SLC27A4: variants seen among roughly 807,000 people sequenced by gnomAD.
The protein encoded by SLC27A4 is long-chain fatty acid transport protein 4.
SLC27A4 carries 33 observed loss-of-function variants against 64.4 expected under a neutral mutation model. The ratio of observed to expected loss-of-function variants is 0.51; its 90% CI spans 0.39 to 0.68. SLC27A4 has a LOEUF of 0.68. Among genes scored for constraint, SLC27A4 ranks in the 30% least tolerant of loss-of-function variants. SLC27A4 has a pLI of 0.00. For synonymous variants in SLC27A4, 377 were observed against 370.0 expected, an observed-to-expected ratio of 1.02 and a Z score of -0.22; for missense variants, 824 against 883.5, an observed-to-expected ratio of 0.93 and a Z score of 0.85.
intron 3 of SLC27A4, among the ~76,000 whole-genome samples, chr9:128,346,485 C>T (rs1053969817): frequency 6.6e-5 from 10 of 151,838 alleles, no homozygotes; most frequent in African/African-American, 1.5e-4. Flanking sequence ...CCACCCGCCT[C>T]GGCCTCCCAA....
At chr9:128,342,801 CAG>C (rs1177543646) in intron 1 of SLC27A4, 1 of 466,672 alleles carries the variant, frequency 2.1e-6, no homozygotes, top group Non-Finnish European at 4.0e-6. Flanking sequence ...ACCCATTGCA[CAG>C]AGGGCAGATA....
rs1488596828 is a variant in SLC27A4, at chr9:128,350,386, G to A, written c.785+5G>A. 6.2e-7 allele frequency: 1 copy of A among 1,613,602 alleles called. No individual in the cohort carries two copies. On this transcript the variant is annotated splice_donor_5th_base_variant and intron_variant, in intron 5 of 12. Coordinates refer to ENST00000300456, the MANE Select transcript of SLC27A4 (RefSeq NM_005094.4). ...CGCCATCGTGGTGCACAGCAGGTAAGGGGCAGGTGCCCAGGGTGGGGTAGG... is the reference window on the plus strand; with the variant it reads ...CGCCATCGTGGTGCACAGCAGGTAAAGGGCAGGTGCCCAGGGTGGGGTAGG...
Position 128,345,130 on chromosome 9 carries a change from A to T in SLC27A4, c.162-25A>T, listed in dbSNP as rs775363382. The T allele has an allele frequency of 3.7e-6, 6 of 1,613,002 alleles. No individual in the cohort carries two copies. Among genetic ancestry groups the T allele is most frequent in the Non-Finnish European group, 5.1e-6 (6 of 1,179,988 alleles). Reference sequence around the variant, plus strand: ...CCTCCCTCCCAACCATGGCAGACACAGCGCCCTCTCTTGTTCACACACAGT... The same window carrying T: ...CCTCCCTCCCAACCATGGCAGACACTGCGCCCTCTCTTGTTCACACACAGT... On this transcript the variant is annotated intron_variant, in intron 2 of 12. Coordinates refer to ENST00000300456, the MANE Select transcript of SLC27A4 (RefSeq NM_005094.4). The surrounding 1 kb of genome is among the most constrained non-coding windows in gnomAD (Gnocchi z 4.1).
chr9:128,340,605 C>T lies in SLC27A4; in HGVS notation c.-240C>T, dbSNP rs1207165136. On this transcript the variant is annotated 5_prime_UTR_variant, in exon 1 of 13. Coordinates refer to ENST00000300456, the MANE Select transcript of SLC27A4 (RefSeq NM_005094.4). ...GAAGGTGCGGCAGGCGGTGCTGCGG[C>T]CTGGCACAGCAGGTTTGGGGTGCGG... The T allele has an allele frequency of 3.7e-6, 1 of 267,454 alleles. No individual in the cohort carries two copies. Among genetic ancestry groups the T allele is most frequent in the Non-Finnish European group, 6.9e-6 (1 of 144,016 alleles). The allele number at this position is 267,454 out of a possible 1,614,324, so 16.6% of individuals were successfully genotyped here. A position where few individuals can be genotyped will look rare whatever the true frequency, so the allele number is the denominator to read the frequency against.
Position 128,353,533 on chromosome 9 carries a change from G to T in SLC27A4, c.1316G>T (p.Cys439Phe). ...IRGPDGVCIP[C>F]QPGEPGQLVG... Reference sequence around the variant, plus strand: ...GGGCCCGACGGCGTCTGCATTCCCTGCCAGCCAGGTCTGCCACTTCGGGGT... The same window carrying T: ...GGGCCCGACGGCGTCTGCATTCCCTTCCAGCCAGGTCTGCCACTTCGGGGT... Residue 439 changes from cysteine to phenylalanine, a missense_variant, in exon 9 of 13, where the codon TGC becomes TTC. Transcript: ENST00000300456. The surrounding 1 kb of genome is among the most constrained non-coding windows in gnomAD (Gnocchi z 4.9). 6.2e-7 allele frequency: 1 copy of T among 1,613,996 alleles called. No homozygotes were observed. Among genetic ancestry groups the T allele is most frequent in the Non-Finnish European group, 8.5e-7 (1 of 1,179,956 alleles).
intron 3 of SLC27A4, among the ~76,000 whole-genome samples, chr9:128,347,230 C>T (rs1832670529): frequency 6.6e-6 from 1 of 152,206 alleles, no homozygotes; most frequent in Non-Finnish European, 1.5e-5. Flanking sequence ...CAGCTCTAAT[C>T]TCTATAAAGA....
intron 9 of SLC27A4, 100 bp from the exon 10 acceptor site, chr9:128,354,953 C>CA (rs139411337): frequency 0.089 from 63,967 of 720,218 alleles, 4,852 homozygotes; most frequent in African/African-American, 0.49. Flanking sequence ...AACTCCGTCT[C>CA]AAAAAAAAAA....
At chr9:128,355,596 A>AGGCACCACCCAGG in intron 11 of SLC27A4, 34 bp downstream of exon 11, 4 of 1,607,218 alleles carry the variant, frequency 2.5e-6, no homozygotes, top group Non-Finnish European at 3.4e-6. Context: ...GTGGGTAGGG[A>AGGCACCACCCAGG]GGCACCACCC....
rs1207727769 is a variant in SLC27A4, at chr9:128,343,268, A to G, written c.136A>G (p.Ile46Val). The change falls in exon 2 of 13, where the codon ATC becomes GTC. Residue 46 changes from isoleucine to valine, a missense_variant. Transcript: ENST00000300456. ...SGGWRFIRVF[I>V]KTIRRDIFGG... is the part of the protein sequence containing the mutation. ...CGGCTGGCGCTTCATCCGGGTCTTC[A>G]TCAAGACCATCAGGCGCGATATCTT... The G allele has an allele frequency of 2.5e-6, 4 of 1,614,076 alleles. No homozygotes were observed. The African/African-American group carries it at 4.0e-5, about 16-fold the overall frequency.
chr9:128,343,323 T>C, intron 2 of SLC27A4, 30 bp downstream of exon 2: 10 of 1,613,398 alleles, frequency 6.2e-6, no homozygotes, highest in Non-Finnish European at 8.5e-6. Context: ...TTTCCTGGGG[T>C]CTGCCACACT....
intron 4 of SLC27A4, 82 bp from the exon 5 acceptor site, chr9:128,350,230 C>G (rs1832712237): frequency 6.3e-6 from 7 of 1,102,500 alleles, no homozygotes; most frequent in Non-Finnish European, 9.7e-6. Flanking sequence ...TTGAAGGGTG[C>G]ACACCTGCAG....
intron 6 of SLC27A4, among the ~76,000 whole-genome samples, chr9:128,351,908 C>T (rs1564401598): frequency 6.6e-6 from 1 of 151,002 alleles, no homozygotes; most frequent in Non-Finnish European, 1.5e-5. Context: ...TGTTTTAGGC[C>T]AGGTGTGGTG....
In SLC27A4 at chr9:128,353,994, C is replaced by G. The variant is rs887353799; in HGVS notation, c.1324+453C>G. On this transcript the variant is annotated intron_variant, in intron 9 of 12. Transcript: ENST00000300456. This position sits in a 1 kb window ranked among gnomAD's most constrained non-coding sequence, Gnocchi z 4.9. ...TCCTGACCTCGTGATCCGCCCGCCTCGGCCTCCCAAAGTGCTGGGATTACA... is the reference window on the plus strand; with the variant it reads ...TCCTGACCTCGTGATCCGCCCGCCTGGGCCTCCCAAAGTGCTGGGATTACA... Among the ~76,000 whole-genome samples the G allele has an allele frequency of 6.6e-6, 1 of 151,750 alleles. No individual in the cohort carries two copies. The highest frequency in any genetic ancestry group is 1.5e-5 in the Non-Finnish European group (1 of 68,002).
chr9:128,342,680 G>A (rs1197757674), intron 1 of SLC27A4: 4 of 340,970 alleles, frequency 1.2e-5, no homozygotes, highest in East Asian at 1.5e-4. Flanking sequence ...TTTAATCAGA[G>A]TGCCATTTTT....
At position 128,343,296 on chromosome 9, in the gene SLC27A4, G is replaced by A. The variant is rs1832605480; in HGVS notation, c.161+3G>A. ...AAGACCATCAGGCGCGATATCTTGTGAGTACCTGGCCCAGCCTTTCCTGGG... is the reference window on the plus strand; with the variant it reads ...AAGACCATCAGGCGCGATATCTTGTAAGTACCTGGCCCAGCCTTTCCTGGG... On this transcript the variant is annotated splice_donor_region_variant and intron_variant, in intron 2 of 12. Transcript: ENST00000300456. The A allele has an allele frequency of 6.2e-7, 1 of 1,614,056 alleles. No homozygotes were observed. The highest frequency in any genetic ancestry group is 1.3e-5 in the African/African-American group (1 of 74,920).
rs922925569 is a variant in SLC27A4, at chr9:128,360,111, A to G, written c.1775-223A>G. Among the ~76,000 whole-genome samples the G allele has an allele frequency of 4.6e-5, 7 of 152,292 alleles. No individual in the cohort carries two copies. In the South Asian group the frequency reaches 1.0e-3, roughly 23 times the overall value. Reference sequence around the variant, plus strand: ...CTCCAGGCCTGTTTTCCCATCTGCAAAGTAGGGGTGGGTGGGTAACTAGCA... The same window carrying G: ...CTCCAGGCCTGTTTTCCCATCTGCAGAGTAGGGGTGGGTGGGTAACTAGCA... On this transcript the variant is annotated intron_variant, in intron 12 of 12. Coordinates refer to ENST00000300456, the MANE Select transcript of SLC27A4 (RefSeq NM_005094.4).
At chr9:128,352,540 C>T in intron 6 of SLC27A4, 98 bp from the exon 7 acceptor site, 2 of 960,474 alleles carry the variant, frequency 2.1e-6, no homozygotes, top group Non-Finnish European at 3.3e-6. Context: ...GCCTGCAGGG[C>T]AGCACAAGCC....
chr9:128,355,913 A>G, intron 12 of SLC27A4, 117 bp downstream of exon 12: 5 of 1,362,710 alleles, frequency 3.7e-6, no homozygotes, highest in Middle Eastern at 1.8e-4. Context: ...CAGTTGGTAA[A>G]GTGACCTGCC....
At position 128,350,328 on chromosome 9, in the gene SLC27A4, C is replaced by T. The variant is rs560930048; in HGVS notation, c.732C>T (p.Ile244=). 2 of 1,613,154 alleles carry T rather than the reference C, an allele frequency of 1.2e-6. No homozygotes were observed. Among genetic ancestry groups the T allele is most frequent in the African/African-American group, 1.3e-5 (1 of 75,058 alleles). The change falls in exon 5 of 13, where the codon ATC becomes ATT. Residue 244 remains isoleucine (I), a synonymous_variant. Transcript: ENST00000300456. ...DKGFTDKLFY[I]YTSGTTGLPK... ...TTTCTTTAGATAAACTGTTCTACAT[C>T]TACACATCCGGCACCACAGGGCTGC...
Sources: allele counts gnomAD v4.1 joint callset (sites outside exome capture counted in the v4.1 genomes callset), GRCh38; gene constraint gnomAD v4.1.1; non-coding constraint Gnocchi (gnomAD v3.1); transcripts MANE v1.5; gene names NCBI Gene and HGNC (gene_info 2026-07-23, HGNC 2026-07-21).